Variants in ZSCAN20 observed in about 807,000 individuals in gnomAD.
The protein encoded by ZSCAN20 is zinc finger and SCAN domain-containing protein 20.
A neutral mutation model predicts 97.1 loss-of-function variants in ZSCAN20; 39 were observed. The ratio of observed to expected loss-of-function variants is 0.40; its 90% CI spans 0.31 to 0.52. The LOEUF (loss-of-function observed/expected upper bound fraction) is 0.52, where lower values mean the gene tolerates loss of function less well. Among genes scored for constraint, ZSCAN20 ranks in the 20% least tolerant of loss-of-function variants. ZSCAN20 has a pLI of 0.49. For missense variants in ZSCAN20, 1,115 were observed against 1,290.4 expected (o/e 0.86, Z 2.08); for synonymous variants, 456 against 467.3 (o/e 0.98, Z 0.31).
At position 33,489,523 on chromosome 1, in the gene ZSCAN20, C is replaced by T. The variant is rs1652511640; in HGVS notation, c.687C>T (p.Ala229=). The T allele has an allele frequency of 6.2e-7, 1 of 1,614,082 alleles. No individual in the cohort carries two copies. The highest frequency in any genetic ancestry group is 8.5e-7 in the Non-Finnish European group (1 of 1,179,994). ...TTGTCTTGTGCATCTCGCAGGAAGC[C>T]CTGGGCCCTGGCAAACATGCTGAGA... is the stretch of plus-strand genomic sequence containing the variant. ...DWEVTAESQE[A]LGPGKHAEKE... Residue 229 remains alanine, a synonymous_variant, in exon 5 of 8, where the codon GCC becomes GCT. Transcript: ENST00000684572.
rs1439636874 is a variant in ZSCAN20, at chr1:33,489,126, C to G, written c.616C>G (p.Pro206Ala). 6.2e-7 allele frequency: 1 copy of G among 1,613,086 alleles called. No homozygotes were observed. The highest frequency in any genetic ancestry group is 1.7e-5 in the Admixed American group (1 of 59,962). ...QPLKESAVLTPRVPTLPKMGS... is the reference protein window; with the variant it reads ...QPLKESAVLTARVPTLPKMGS... ...TTTCTTTTCCTCAGCTGTCCTCACTCCCCGAGTCCCTACTCTCCCAAAGAT... is the reference window on the plus strand; with the variant it reads ...TTTCTTTTCCTCAGCTGTCCTCACTGCCCGAGTCCCTACTCTCCCAAAGAT... The change falls in exon 4 of 8, where the codon CCC becomes GCC. Residue 206 changes from proline (P) to alanine (A), a missense_variant. Coordinates refer to ENST00000684572, the MANE Select transcript of ZSCAN20 (RefSeq NM_001377376.1).
At chr1:33,490,320 T>C (rs752984549) in intron 5 of ZSCAN20, among the ~76,000 whole-genome samples, 23 of 152,184 alleles carry the variant, frequency 1.5e-4, no homozygotes, top group Non-Finnish European at 1.2e-4. Flanking sequence ...TTTAAACCCT[T>C]TTCATCTAGT....
In ZSCAN20 at chr1:33,489,168, T is replaced by G; in HGVS notation, c.658T>G (p.Trp220Gly). 1 of 1,613,852 alleles carries G rather than the reference T, an allele frequency of 6.2e-7. No individual in the cohort carries two copies. Among genetic ancestry groups the G allele is most frequent in the Non-Finnish European group, 8.5e-7 (1 of 1,179,864 alleles). Residue 220 changes from tryptophan to glycine, a missense_variant, in exon 4 of 8, where the codon TGG (tryptophan) becomes GGG (glycine). Transcript: ENST00000684572. ...TLPKMGSVGDWEVTAESQEAL... is the reference protein window; with the variant it reads ...TLPKMGSVGDGEVTAESQEAL... The stretch of plus-strand genomic sequence containing the variant: ...CCCAAAGATGGGGAGCGTTGGAGAT[T>G]GGGAGGTGACAGCTGAGTCCCAGGT...
chr1:33,481,639 G>A (rs1652160071), intron 2 of ZSCAN20, among the ~76,000 whole-genome samples: 1 of 152,050 alleles, frequency 6.6e-6, no homozygotes, highest in Admixed American at 6.6e-5. Flanking sequence ...TTCTCTGCAA[G>A]TAAAATTTTT....
At chr1:33,488,844 C>T (rs1247097273) in intron 3 of ZSCAN20, among the ~76,000 whole-genome samples, 193 bp downstream of exon 3, 2 of 141,970 alleles carry the variant, frequency 1.4e-5, no homozygotes, top group African/African-American at 5.4e-5. Flanking sequence ...GTCATCATGC[C>T]CTGCTGTAGC....
intron 5 of ZSCAN20, among the ~76,000 whole-genome samples, chr1:33,489,923 ATC>A (rs746460849): frequency 1.3e-5 from 2 of 152,036 alleles, no homozygotes; most frequent in Non-Finnish European, 2.9e-5. Flanking sequence ...TGTAAATAGG[ATC>A]TCTCTCTCAG....
chr1:33,495,114 A>G lies in ZSCAN20; in HGVS notation c.2770A>G (p.Thr924Ala). Residue 924 changes from threonine to alanine, a missense_variant, in exon 8 of 8, where the codon ACC becomes GCC. This residue lies in a region of ZSCAN20 where 554 missense variants were observed against 584.9 expected (regional missense o/e 0.95). Transcript: ENST00000684572. The stretch of plus-strand genomic sequence containing the variant: ...CTCCACCCTGGCCAACCACCAGCGC[A>G]CCCACACTGGAGAGAAGCCGTATAA... The part of the protein sequence containing the change: ...KSSTLANHQR[T>A]HTGEKPYKCV... 1 of 1,613,384 alleles carries G rather than the reference A, an allele frequency of 6.2e-7. No homozygotes were observed. The highest frequency in any genetic ancestry group is 2.2e-5 in the East Asian group (1 of 44,846).
chr1:33,480,408 C>T (rs1652109283), intron 2 of ZSCAN20, among the ~76,000 whole-genome samples: 1 of 152,194 alleles, frequency 6.6e-6, no homozygotes, highest in African/African-American at 2.4e-5. Context: ...AGTGAATAGA[C>T]CAGAGCCTAA....
intron 4 of ZSCAN20, 45 bp downstream of exon 4, chr1:33,489,236 T>C: frequency 6.3e-7 from 1 of 1,581,046 alleles, no homozygotes; most frequent in Non-Finnish European, 8.7e-7. Flanking sequence ...GCTGCTCCTG[T>C]GCTCTTGCCC....
chr1:33,490,684 CCACACA>C (rs1652566200), intron 5 of ZSCAN20, among the ~76,000 whole-genome samples: 2 of 127,922 alleles, frequency 1.6e-5, no homozygotes, highest in Non-Finnish European at 3.4e-5. Context: ...CACACACACA[CCACACA>C]CCCTTTTCCT....
chr1:33,491,138 A>G lies in ZSCAN20; in HGVS notation c.880A>G (p.Asn294Asp). The G allele has an allele frequency of 6.2e-7, 1 of 1,614,136 alleles. No individual in the cohort carries two copies. Among genetic ancestry groups the G allele is most frequent in the Non-Finnish European group, 8.5e-7 (1 of 1,180,016 alleles). ...GAGCACTGCAGATTACAGCCTGGATAATGAGCCAGCTCAGGCATTGACCTG... is the reference window on the plus strand; with the variant it reads ...GAGCACTGCAGATTACAGCCTGGATGATGAGCCAGCTCAGGCATTGACCTG... ...KRSTADYSLD[N>D]EPAQALTWRD... The change falls in exon 6 of 8, where the codon AAT (asparagine) becomes GAT (aspartate). Residue 294 changes from asparagine to aspartate, a missense_variant. This residue lies in a region of ZSCAN20 where 508 missense variants were observed against 611.2 expected (regional missense o/e 0.83). Transcript: ENST00000684572. The surrounding 1 kb of genome is among the most constrained non-coding windows in gnomAD (Gnocchi z 4.3).
chr1:33,479,785 T>G, intron 2 of ZSCAN20, 80 bp downstream of exon 2: 7 of 1,348,396 alleles, frequency 5.2e-6, no homozygotes, highest in Non-Finnish European at 5.9e-6. Flanking sequence ...AATTGCCAAA[T>G]TCACAATAAA....
At position 33,493,254 on chromosome 1, in the gene ZSCAN20, G is replaced by C; in HGVS notation, c.1512G>C (p.Ser504=). ...FLAILSESPF[S]EKLRTCHQNS... ...CAATTCTCAGTGAGTCCCCATTCTC[G>C]GAAAAGCTTCGTACCTGTCACCAGA... The change falls in exon 7 of 8, where the codon TCG becomes TCC. Residue 504 remains serine, a synonymous_variant. Transcript: ENST00000684572. This position sits in a 1 kb window ranked among gnomAD's most constrained non-coding sequence, Gnocchi z 4.3. 6.2e-7 allele frequency: 1 copy of C among 1,614,168 alleles called. No homozygotes were observed. The highest frequency in any genetic ancestry group is 8.5e-7 in the Non-Finnish European group (1 of 1,180,028).
In ZSCAN20 at chr1:33,483,150, A is replaced by C. The variant is rs375409353; in HGVS notation, c.417+3445A>C. 4.0e-5 allele frequency among the ~76,000 whole-genome samples: 6 copies of C among 151,862 alleles called. No homozygotes were observed. The East Asian group carries it at 9.7e-4, about 24-fold the overall frequency. ...AAAAGTCATTGCTATACCTGACATTATCTCAGTTTTCTCCTATATTTTAGG... is the reference window on the plus strand; with the variant it reads ...AAAAGTCATTGCTATACCTGACATTCTCTCAGTTTTCTCCTATATTTTAGG... On this transcript the variant is annotated intron_variant, in intron 2 of 7. Transcript: ENST00000684572.
At chr1:33,476,477 C>T (rs990500159) in intron 1 of ZSCAN20, among the ~76,000 whole-genome samples, 1 of 152,164 alleles carries the variant, frequency 6.6e-6, no homozygotes, top group Non-Finnish European at 1.5e-5. Context: ...CTGCTAATTG[C>T]CTATTTTGTT....
At chr1:33,489,266 T>C in intron 4 of ZSCAN20, 75 bp downstream of exon 4, 1 of 1,468,982 alleles carries the variant, frequency 6.8e-7, no homozygotes, top group Non-Finnish European at 9.4e-7. Context: ...TCCTCCTCTC[T>C]CTCCATGACC....
intron 1 of ZSCAN20, among the ~76,000 whole-genome samples, chr1:33,474,967 A>G (rs1165154520): frequency 6.6e-6 from 1 of 152,194 alleles, no homozygotes; most frequent in Non-Finnish European, 1.5e-5. Flanking sequence ...CTGCTGAGTA[A>G]GATCAGGCTG....
intron 2 of ZSCAN20, among the ~76,000 whole-genome samples, chr1:33,483,622 G>A (rs923489070): frequency 6.0e-5 from 9 of 150,136 alleles, no homozygotes; most frequent in Non-Finnish European, 1.2e-4. Flanking sequence ...TGGATTGCTT[G>A]AGCCCAGGAG....
At position 33,489,699 on chromosome 1, in the gene ZSCAN20, G is replaced by C. The variant is rs1652521584; in HGVS notation, c.766+97G>C. ...CCGCTCCTTTAAGAATCATGGCTCT[G>C]CAGTCTCTGGAATTTCAGAAATAGG... On this transcript the variant is annotated intron_variant, in intron 5 of 7. Coordinates refer to ENST00000684572, the MANE Select transcript of ZSCAN20 (RefSeq NM_001377376.1). 10 of 1,089,660 alleles carry C rather than the reference G, an allele frequency of 9.2e-6. No individual in the cohort carries two copies. The Middle Eastern group carries it at 1.0e-3, about 109-fold the overall frequency. The allele number at this position is 1,089,660 out of a possible 1,614,324, so 67.5% of individuals were successfully genotyped here. A position where few individuals can be genotyped will look rare whatever the true frequency, so the allele number is the denominator to read the frequency against.
Sources: allele counts gnomAD v4.1 joint callset (sites outside exome capture counted in the v4.1 genomes callset), GRCh38; gene constraint gnomAD v4.1.1; regional missense constraint gnomAD v4.1.1; non-coding constraint Gnocchi (gnomAD v3.1); transcripts MANE v1.5; gene names NCBI Gene and HGNC (gene_info 2026-07-23, HGNC 2026-07-21).